Variants in FABP12 observed in about 807,000 individuals in gnomAD.
FABP12 encodes fatty acid-binding protein 12.
FABP12 carries 19 observed loss-of-function variants against 13.7 expected under a neutral mutation model. The ratio of observed to expected loss-of-function variants is 1.39; its 90% CI spans 0.97 to 2.04. FABP12 has a LOEUF of 2.04. Among genes scored for constraint, FABP12 ranks in the 30% most tolerant of loss-of-function variants. FABP12 has a pLI of 0.00. For missense variants in FABP12, 182 were observed against 164.2 expected, an observed-to-expected ratio of 1.11 and a Z score of -0.59; for synonymous variants, 61 against 57.0, an observed-to-expected ratio of 1.07 and a Z score of -0.32.
chr8:81,573,146 C>T (rs544755782), intron 1 of FABP12, among the ~76,000 whole-genome samples: 2 of 152,196 alleles, frequency 1.3e-5, no homozygotes, highest in Non-Finnish European at 2.9e-5. Flanking sequence ...GATGAGGATC[C>T]AGTTTCATTC....
intron 1 of FABP12, among the ~76,000 whole-genome samples, chr8:81,576,986 A>AG (rs1810059483): frequency 6.6e-6 from 1 of 152,254 alleles, no homozygotes; most frequent in Non-Finnish European, 1.5e-5. Flanking sequence ...CCACCTCAAT[A>AG]GAACCAGGAA....
chr8:81,528,623 G>T (rs1808973043), intron 3 of FABP12, among the ~76,000 whole-genome samples: 1 of 152,134 alleles, frequency 6.6e-6, no homozygotes, highest in Non-Finnish European at 1.5e-5. Context: ...TCATGACCAA[G>T]CACGGGGTTC....
At position 81,546,236 on chromosome 8, in the gene FABP12, G is replaced by A. The variant is rs376311758; in HGVS notation, c.-184-6493C>T. ...TGCCAATCAATTTCAGAAAAGAGATGAAAACCTGAAAGTGTTGTTTATGAC... is the reference window on the plus strand; with the variant it reads ...TGCCAATCAATTTCAGAAAAGAGATAAAAACCTGAAAGTGTTGTTTATGAC... On this transcript the variant is annotated intron_variant, in intron 1 of 5. Transcript: ENST00000692030. 2.0e-5 allele frequency among the ~76,000 whole-genome samples: 3 copies of A among 152,304 alleles called. No homozygotes were observed. The East Asian group carries it at 5.8e-4, about 29-fold the overall frequency.
intron 1 of FABP12, among the ~76,000 whole-genome samples, chr8:81,578,832 T>TTTTTG (rs1810103411): frequency 7.2e-6 from 1 of 139,756 alleles, no homozygotes; most frequent in African/African-American, 2.7e-5. Context: ...AGTTTTTTTT[T>TTTTTG]TTTTTTTTTT....
chr8:81,552,078 G>T (rs1464351396), intron 1 of FABP12, among the ~76,000 whole-genome samples: 1 of 152,136 alleles, frequency 6.6e-6, no homozygotes, highest in Non-Finnish European at 1.5e-5. Context: ...TGCAAGCAGA[G>T]ATCTGATGTG....
chr8:81,552,548 G>C (rs1316032560), intron 1 of FABP12, among the ~76,000 whole-genome samples: 1 of 152,162 alleles, frequency 6.6e-6, no homozygotes, highest in Non-Finnish European at 1.5e-5. Context: ...TTGTTAGACT[G>C]TCAGAGGAAA....
intron 1 of FABP12, among the ~76,000 whole-genome samples, chr8:81,575,886 C>CT (rs1563557464): frequency 6.6e-6 from 1 of 152,148 alleles, no homozygotes; most frequent in African/African-American, 2.4e-5. Context: ...TTATGAGAAT[C>CT]TAACTAATGC....
chr8:81,530,109 T>C (rs1427720121), intron 2 of FABP12, among the ~76,000 whole-genome samples: 1 of 152,210 alleles, frequency 6.6e-6, no homozygotes, highest in Non-Finnish European at 1.5e-5. Flanking sequence ...AAAATATTTA[T>C]AACATATATT....
intron 1 of FABP12, among the ~76,000 whole-genome samples, chr8:81,585,584 A>G (rs1159711074): frequency 6.6e-6 from 1 of 152,178 alleles, no homozygotes; most frequent in African/African-American, 2.4e-5. Context: ...GGTTCCATAT[A>G]AATTTTAGGA....
At chr8:81,537,432 A>G (rs557855421), upstream of FABP12, among the ~76,000 whole-genome samples, 1 of 152,276 alleles carries the variant, frequency 6.6e-6, no homozygotes, top group African/African-American at 2.4e-5. Flanking sequence ...TCACCTTAGC[A>G]ATATTAAGCC....
chr8:81,569,465 C>G (rs1809885991), intron 1 of FABP12, among the ~76,000 whole-genome samples: 1 of 152,144 alleles, frequency 6.6e-6, no homozygotes, highest in Admixed American at 6.6e-5. Flanking sequence ...CAGACTGATT[C>G]TGCAGAGTTC....
intron 1 of FABP12, among the ~76,000 whole-genome samples, chr8:81,563,319 G>A (rs997082006): frequency 5.9e-5 from 9 of 152,148 alleles, no homozygotes; most frequent in African/African-American, 2.2e-4. Context: ...AAGAAGGATG[G>A]GTACAAACAA....
intron 1 of FABP12, among the ~76,000 whole-genome samples, chr8:81,575,389 G>A (rs1810021659): frequency 2.6e-5 from 4 of 152,056 alleles, no homozygotes; most frequent in African/African-American, 4.8e-5. Context: ...GTCTTTCTTG[G>A]AGAAAGTTCC....
chr8:81,577,961 G>A (rs1273303999), intron 1 of FABP12, among the ~76,000 whole-genome samples: 1 of 152,206 alleles, frequency 6.6e-6, no homozygotes, highest in African/African-American at 2.4e-5. Context: ...AGGATTAGAT[G>A]ATGGAATCCT....
chr8:81,588,464 G>A (rs963760588), intron 1 of FABP12, among the ~76,000 whole-genome samples: 1 of 152,112 alleles, frequency 6.6e-6, no homozygotes, highest in Non-Finnish European at 1.5e-5. Context: ...TTCACTGTTG[G>A]TATGTATAAA....
At chr8:81,578,362 G>T (rs139850469) in intron 1 of FABP12, among the ~76,000 whole-genome samples, 20 of 152,216 alleles carry the variant, frequency 1.3e-4, no homozygotes, top group African/African-American at 4.1e-4. Flanking sequence ...GTAGGCCAAA[G>T]TCCTTGTTTC....
chr8:81,543,374 C>T (rs560171305), intron 1 of FABP12, among the ~76,000 whole-genome samples: 1 of 152,272 alleles, frequency 6.6e-6, no homozygotes, highest in Non-Finnish European at 1.5e-5. Context: ...TCATCTCATG[C>T]TATTTTAATG....
At chr8:81,574,874 A>G (rs1810006891) in intron 1 of FABP12, among the ~76,000 whole-genome samples, 1 of 150,742 alleles carries the variant, frequency 6.6e-6, no homozygotes, top group Non-Finnish European at 1.5e-5. Flanking sequence ...TGGTCTATCA[A>G]TTTTATTTAT....
chr8:81,537,651 C>T (rs940585904), upstream of FABP12, among the ~76,000 whole-genome samples: 5 of 152,092 alleles, frequency 3.3e-5, no homozygotes, highest in African/African-American at 9.7e-5. Context: ...AGGGCATTAA[C>T]GAAACTGGGT....
Sources: allele counts gnomAD v4.1 joint callset (sites outside exome capture counted in the v4.1 genomes callset), GRCh38; gene constraint gnomAD v4.1.1; transcripts MANE v1.5; gene names NCBI Gene and HGNC (gene_info 2026-07-23, HGNC 2026-07-21).